STK33: variants seen among roughly 807,000 people sequenced by gnomAD.
STK33 encodes serine/threonine-protein kinase 33.
STK33 carries 52 observed loss-of-function variants against 58.0 expected under a neutral mutation model. The ratio of observed to expected loss-of-function variants is 0.90; its 90% CI spans 0.72 to 1.13. The LOEUF (loss-of-function observed/expected upper bound fraction) is 1.13. Ranked by LOEUF, STK33 falls within the 50% of genes most tolerant of loss-of-function variation. The pLI, the probability that STK33 is intolerant of heterozygous loss-of-function variation, is 0.00. For synonymous variants in STK33, 215 were observed against 200.1 expected, an observed-to-expected ratio of 1.07 and a Z score of -0.63; for missense variants, 630 against 604.2, an observed-to-expected ratio of 1.04 and a Z score of -0.45.
At chr11:8,388,166 A>G (rs921284856), downstream of STK33, among the ~76,000 whole-genome samples, 2 of 141,174 alleles carry the variant, frequency 1.4e-5, no homozygotes, top group Non-Finnish European at 3.0e-5. Context: ...GCACTGGGCA[A>G]CAGGGAAGGG....
At chr11:8,497,828 A>G (rs1951180146) in intron 1 of STK33, among the ~76,000 whole-genome samples, 1 of 152,190 alleles carries the variant, frequency 6.6e-6, no homozygotes, top group African/African-American at 2.4e-5. Flanking sequence ...AATCCAGCAA[A>G]ACTAACTTTC....
intron 1 of STK33, among the ~76,000 whole-genome samples, chr11:8,592,635 C>T (rs1043708333): frequency 2.6e-5 from 4 of 151,768 alleles, no homozygotes; most frequent in African/African-American, 4.8e-5. Flanking sequence ...TTTTTTGAGA[C>T]AGGGTCTCAC....
chr11:8,399,350 C>A (rs918570041), intron 15 of STK33, among the ~76,000 whole-genome samples: 2 of 151,700 alleles, frequency 1.3e-5, no homozygotes, highest in African/African-American at 4.8e-5. Flanking sequence ...AACTGAACAA[C>A]CTGCTCCTGA....
intron 14 of STK33, among the ~76,000 whole-genome samples, chr11:8,432,545 A>G (rs1943547382): frequency 6.6e-6 from 1 of 152,178 alleles, no homozygotes; most frequent in Non-Finnish European, 1.5e-5. Context: ...TAAATGTACA[A>G]GAGAAATAGT....
At chr11:8,371,399 C>T in the STK33 span, among the ~76,000 whole-genome samples, 3 of 152,128 alleles carry the variant, frequency 2.0e-5, no homozygotes, top group African/African-American at 4.8e-5. Flanking sequence ...GAGGCAAGGA[C>T]GGATCCTGCC....
intron 1 of STK33, among the ~76,000 whole-genome samples, chr11:8,555,550 A>G (rs1956679026): frequency 6.6e-6 from 1 of 152,036 alleles, no homozygotes; most frequent in South Asian, 2.1e-4. Flanking sequence ...CTGTAATCCC[A>G]GTTACTCGGG....
At chr11:8,398,013 T>A (rs1849675834) in intron 15 of STK33, among the ~76,000 whole-genome samples, 1 of 152,106 alleles carries the variant, frequency 6.6e-6, no homozygotes, top group Non-Finnish European at 1.5e-5. Context: ...ATGGGGAGAA[T>A]GGAACCAAGT....
chr11:8,580,404 A>G (rs887219912), intron 1 of STK33, among the ~76,000 whole-genome samples: 1 of 152,048 alleles, frequency 6.6e-6, no homozygotes, highest in Non-Finnish European at 1.5e-5. Context: ...TATTCGTGGG[A>G]TCTAAAAATC....
chr11:8,338,319 A>T, the STK33 span, among the ~76,000 whole-genome samples: 1 of 152,172 alleles, frequency 6.6e-6, no homozygotes, highest in African/African-American at 2.4e-5. Context: ...GGCTCCCAGA[A>T]AAAGGATCCA....
chr11:8,481,867 C>A (rs1390215769), intron 1 of STK33, among the ~76,000 whole-genome samples: 1 of 151,602 alleles, frequency 6.6e-6, no homozygotes, highest in East Asian at 1.9e-4. Context: ...CCTGGCCTTA[C>A]CTACTCCCCA....
the STK33 span, among the ~76,000 whole-genome samples, chr11:8,341,950 G>A: frequency 1.3e-5 from 2 of 152,232 alleles, no homozygotes; most frequent in African/African-American, 4.8e-5. Flanking sequence ...GATTTGCAGC[G>A]TGAGAAAGTG....
chr11:8,372,885 C>A, the STK33 span, among the ~76,000 whole-genome samples: 1 of 152,244 alleles, frequency 6.6e-6, no homozygotes, highest in Admixed American at 6.5e-5. Context: ...CTGAGAAGAT[C>A]TGCTTGGAAG....
At chr11:8,579,991 A>AT (rs2029868499) in intron 1 of STK33, among the ~76,000 whole-genome samples, 1 of 152,218 alleles carries the variant, frequency 6.6e-6, no homozygotes, top group Non-Finnish European at 1.5e-5. Context: ...GATGTGGAGA[A>AT]AAGGGAACCT....
intron 7 of STK33, among the ~76,000 whole-genome samples, chr11:8,464,201 G>A (rs1174683283): frequency 6.6e-6 from 1 of 152,180 alleles, no homozygotes; most frequent in Admixed American, 6.5e-5. Context: ...AGGAAATCTA[G>A]TGAGGAGTGC....
At chr11:8,516,795 G>A (rs577735950) in intron 1 of STK33, among the ~76,000 whole-genome samples, 18 of 152,280 alleles carry the variant, frequency 1.2e-4, no homozygotes, top group African/African-American at 3.9e-4. Context: ...AGGGGCGTCC[G>A]CCATTGCTGA....
chr11:8,535,393 G>A (rs1224984671), intron 1 of STK33, among the ~76,000 whole-genome samples: 5 of 151,704 alleles, frequency 3.3e-5, no homozygotes, highest in Non-Finnish European at 4.4e-5. Flanking sequence ...AACTCAACAG[G>A]AAAAAAGACA....
chr11:8,408,489 C>T (rs1939654011), intron 15 of STK33, among the ~76,000 whole-genome samples: 1 of 152,110 alleles, frequency 6.6e-6, no homozygotes, highest in Admixed American at 6.6e-5. Flanking sequence ...ACAAAATATC[C>T]CCTTAGAACA....
chr11:8,419,005 C>T (rs1234384749), intron 14 of STK33, among the ~76,000 whole-genome samples: 1 of 151,996 alleles, frequency 6.6e-6, no homozygotes, highest in Non-Finnish European at 1.5e-5. Context: ...TTGTTAGATG[C>T]ATAGTTTGCA....
At chr11:8,509,568 A>C (rs1952142868) in intron 1 of STK33, among the ~76,000 whole-genome samples, 1 of 152,156 alleles carries the variant, frequency 6.6e-6, no homozygotes, top group African/African-American at 2.4e-5. Flanking sequence ...TACATGAATA[A>C]GTTCCTTAGT....
Sources: gnomAD v4.1 joint callset for allele counts (sites outside exome capture counted in the v4.1 genomes callset) on GRCh38, gnomAD v4.1.1 for gene constraint, MANE v1.5 for transcripts, NCBI Gene and HGNC (gene_info 2026-07-23, HGNC 2026-07-21) for gene names.